ASL: variants seen among roughly 807,000 people sequenced by gnomAD.
ASL encodes the protein argininosuccinase.
ASL carries 51 observed loss-of-function variants against 69.1 expected under a neutral mutation model. The observed-to-expected ratio is 0.74, with a 90% CI of 0.59 to 0.93. ASL has a LOEUF of 0.93. Among genes scored for constraint, ASL ranks in the 40% least tolerant of loss-of-function variants. The pLI, the probability that ASL is intolerant of heterozygous loss-of-function variation, is 0.00. For missense variants in ASL, 540 were observed against 623.9 expected (o/e 0.87, Z 1.43); for synonymous variants, 241 against 247.6 (o/e 0.97, Z 0.25).
At chr7:66,078,978 C>G (rs1300481559) in intron 2 of ASL, among the ~76,000 whole-genome samples, 2 of 152,062 alleles carry the variant, frequency 1.3e-5, no homozygotes, top group Non-Finnish European at 2.9e-5. Context: ...GGCACGATCT[C>G]AGCTCACTGC....
intron 6 of ASL, chr7:66,083,400 T>C: frequency 6.2e-6 from 3 of 486,622 alleles, no homozygotes; most frequent in South Asian, 6.0e-5. Flanking sequence ...TAACCCTTCG[T>C]GGGGCTGGGT....
rs1786509999 is a variant in ASL, at chr7:66,081,807, G to A, written c.17G>A (p.Gly6Glu). The A allele has an allele frequency of 1.2e-6, 2 of 1,613,214 alleles. No homozygotes were observed. Among genetic ancestry groups the A allele is most frequent in the Non-Finnish European group, 1.7e-6 (2 of 1,179,668 alleles). Reference sequence around the variant, plus strand: ...TGTTCTTGCTCTCCTGGCCAGAGTGGGAAGCTTTGGGGTGGCCGGTTTGTG... The same window carrying A: ...TGTTCTTGCTCTCCTGGCCAGAGTGAGAAGCTTTGGGGTGGCCGGTTTGTG... MASES[G>E]KLWGGRFVGA... The change falls in exon 3 of 17, where the codon GGG becomes GAG. Residue 6 changes from glycine (G) to glutamate (E), a missense_variant. Physicochemically the swap from Gly to Glu is moderately conservative, Grantham distance 98. Coordinates refer to ENST00000304874, the MANE Select transcript of ASL (RefSeq NM_000048.4).
Position 66,084,909 on chromosome 7 carries a change from G to A in ASL, c.447-1676G>A, listed in dbSNP as rs576875795. Among the ~76,000 whole-genome samples, 10 of 152,160 alleles carry A rather than the reference G, an allele frequency of 6.6e-5. 1 individual carries two copies. The highest frequency in any genetic ancestry group is 6.2e-4 in the South Asian group (3 of 4,826). On this transcript the variant is annotated intron_variant, in intron 6 of 16. Coordinates refer to ENST00000304874, the MANE Select transcript of ASL (RefSeq NM_000048.4). ...GCTGGGATTACAGGTGTGAGCCACC[G>A]TGCCCAGCCGCGAATTCTTTAAATT...
At chr7:66,080,618 G>A (rs1191163361) in intron 2 of ASL, among the ~76,000 whole-genome samples, 1 of 151,918 alleles carries the variant, frequency 6.6e-6, no homozygotes, top group Non-Finnish European at 1.5e-5. Flanking sequence ...AGCTACTCGG[G>A]AGGCTGAGGC....
chr7:66,082,837 C>G (rs375973248), intron 4 of ASL, 43 bp from the exon 5 acceptor site: 7 of 1,612,016 alleles, frequency 4.3e-6, no homozygotes, highest in Middle Eastern at 1.7e-4. Context: ...GTTGACTCCT[C>G]TGGGGGTATA....
rs1388784822 is a variant in ASL, at chr7:66,088,914, G to A, written c.826G>A (p.Ala276Thr). The change falls in exon 11 of 17, where the codon GCC (alanine) becomes ACC (threonine). Residue 276 changes from alanine to threonine, a missense_variant. Ala to Thr is a moderately conservative substitution (Grantham distance 58). Transcript: ENST00000304874. ...ATTCAGCTTCGTGCAGCTCTCAGAT[G>A]CCTACAGGTAAGCCCTGAACTGCCA... ...KEFSFVQLSDAYSTGSSLMPQ... is the reference protein window; with the variant it reads ...KEFSFVQLSDTYSTGSSLMPQ... 5 of 1,613,724 alleles carry A rather than the reference G, an allele frequency of 3.1e-6. No homozygotes were observed. Among genetic ancestry groups the A allele is most frequent in the East Asian group, 2.2e-5 (1 of 44,890 alleles).
At chr7:66,082,644 T>A (rs1786541672) in intron 4 of ASL, among the ~76,000 whole-genome samples, 193 bp downstream of exon 4, 1 of 151,868 alleles carries the variant, frequency 6.6e-6, no homozygotes, top group African/African-American at 2.4e-5. Context: ...GAGGATTGCT[T>A]GAGACCAGGA....
rs780133311 is a variant in ASL at position 66,089,722 on chromosome 7, T to TC, written c.1062+31dup. On this transcript the variant is annotated intron_variant, in intron 14 of 16. Coordinates refer to ENST00000304874, the MANE Select transcript of ASL (RefSeq NM_000048.4). ...CAAGACATCACCCCCCTGCTTCTCC[T>TC]CCCCTAGGTCCCAGGCACTGGGGTG... 19 of 1,609,162 alleles carry TC rather than the reference T, an allele frequency of 1.2e-5. No homozygotes were observed. In the East Asian group the frequency reaches 4.2e-4, roughly 36 times the overall value.
At position 66,092,556 on chromosome 7, in the gene ASL, G is replaced by C. The variant is rs753824814; in HGVS notation, c.1144-1G>C. On this transcript the variant is annotated splice_acceptor_variant, in intron 15 of 16. Coordinates refer to ENST00000304874, the MANE Select transcript of ASL (RefSeq NM_000048.4). LOFTEE classifies it high-confidence loss of function. Reference sequence around the variant, plus strand: ...GCGCCATCTTCCTCCCTGGCACCCAGATGCCATTCCGCCAGGCCCACGAGG... The same window carrying C: ...GCGCCATCTTCCTCCCTGGCACCCACATGCCATTCCGCCAGGCCCACGAGG... 2 of 1,607,968 alleles carry C rather than the reference G, an allele frequency of 1.2e-6. No homozygotes were observed. The highest frequency in any genetic ancestry group is 1.1e-5 in the South Asian group (1 of 91,020).
intron 2 of ASL, among the ~76,000 whole-genome samples, chr7:66,077,366 A>G (rs1446261090): frequency 6.6e-6 from 1 of 152,078 alleles, no homozygotes; most frequent in African/African-American, 2.4e-5. Context: ...TTGAGACTGC[A>G]GTGAGCATGA....
chr7:66,087,538 G>A lies in ASL; in HGVS notation c.655+152G>A, dbSNP rs887436276. 6.3e-6 allele frequency: 7 copies of A among 1,105,194 alleles called. No individual in the cohort carries two copies. In the Admixed American group the frequency reaches 9.9e-5, roughly 16 times the overall value. The allele number at this position is 1,105,194 out of a possible 1,614,324, so 68.5% of individuals were successfully genotyped here. On this transcript the variant is annotated intron_variant, in intron 9 of 16. Coordinates refer to ENST00000304874, the MANE Select transcript of ASL (RefSeq NM_000048.4). Reference sequence around the variant, plus strand: ...GGCACTGAGGTCATCAAGTTCAGGGGTCACTCATGGCAGGGATGCCTGGTA... The same window carrying A: ...GGCACTGAGGTCATCAAGTTCAGGGATCACTCATGGCAGGGATGCCTGGTA...
chr7:66,082,510 C>T (rs896646502), intron 4 of ASL, 59 bp downstream of exon 4: 1 of 1,539,076 alleles, frequency 6.5e-7, no homozygotes, highest in African/African-American at 1.4e-5. Flanking sequence ...TGCCCAGGGC[C>T]ACTTTGAGCA....
At chr7:66,077,516 G>A (rs945701890) in intron 2 of ASL, among the ~76,000 whole-genome samples, 2 of 152,148 alleles carry the variant, frequency 1.3e-5, no homozygotes, top group African/African-American at 4.8e-5. Flanking sequence ...ATCACCTGAG[G>A]TCAGGAGTTT....
chr7:66,087,908 C>A, intron 10 of ASL, 117 bp downstream of exon 10: 1 of 1,352,274 alleles, frequency 7.4e-7, no homozygotes, highest in Non-Finnish European at 1.0e-6. Flanking sequence ...ATATTGTACA[C>A]TGAAGTATAA....
chr7:66,087,307 G>C (rs1786695170), intron 8 of ASL, 27 bp from the exon 9 acceptor site: 1 of 1,597,760 alleles, frequency 6.3e-7, no homozygotes, highest in African/African-American at 1.3e-5. Flanking sequence ...CAGGAGCCCT[G>C]GTCACCATGA....
At chr7:66,086,543 G>A in intron 6 of ASL, 42 bp from the exon 7 acceptor site, 2 of 1,606,978 alleles carry the variant, frequency 1.2e-6, no homozygotes, top group Non-Finnish European at 1.7e-6. Context: ...GGCAGGCCTT[G>A]CATGAGCCTC....
chr7:66,090,044 C>G (rs1172684587), intron 14 of ASL, among the ~76,000 whole-genome samples: 1 of 152,154 alleles, frequency 6.6e-6, no homozygotes, highest in Non-Finnish European at 1.5e-5. Flanking sequence ...TTGAGACCAG[C>G]CTGGCCAACA....
intron 8 of ASL, 97 bp from the exon 9 acceptor site, chr7:66,087,237 T>C (rs1365643981): frequency 1.4e-6 from 2 of 1,399,694 alleles, no homozygotes; most frequent in Admixed American, 1.8e-5. Context: ...TCTCTGTGTG[T>C]GCGTTCGTGT....
At position 66,093,171 on chromosome 7, in the gene ASL, G is replaced by A. The variant is rs1354694938; in HGVS notation, c.*259G>A. 2 of 568,718 alleles carry A rather than the reference G, an allele frequency of 3.5e-6. No homozygotes were observed. Among genetic ancestry groups the A allele is most frequent in the East Asian group, 3.1e-5 (1 of 31,848 alleles). The allele number at this position is 568,718 out of a possible 1,614,324, so 35.2% of individuals were successfully genotyped here. On this transcript the variant is annotated 3_prime_UTR_variant, in exon 17 of 17. Transcript: ENST00000304874. ...TCTCTACTCAATAATAAAACAAATA[G>A]CCTGGCGTGGTGGCCCATGCATATA...
Sources: gnomAD v4.1 joint callset for allele counts (sites outside exome capture counted in the v4.1 genomes callset) on GRCh38, gnomAD v4.1.1 for gene constraint, MANE v1.5 for transcripts, NCBI Gene and HGNC (gene_info 2026-07-23, HGNC 2026-07-21) for gene names.